Variants in DOCK1 observed in about 807,000 individuals in gnomAD.
DOCK1 encodes dedicator of cytokinesis protein 1.
DOCK1 carries 138 observed loss-of-function variants against 262.7 expected under a neutral mutation model. The ratio of observed to expected loss-of-function variants is 0.53; its 90% CI spans 0.46 to 0.61. The LOEUF (loss-of-function observed/expected upper bound fraction) is 0.61. DOCK1 is among the 20% of genes least tolerant of loss of function. DOCK1 has a pLI of 0.00. For missense variants in DOCK1, 1,908 were observed against 2,370.7 expected, an observed-to-expected ratio of 0.80 and a Z score of 4.05; for synonymous variants, 866 against 867.4, an observed-to-expected ratio of 1.00 and a Z score of 0.03.
intron 25 of DOCK1, among the ~76,000 whole-genome samples, chr10:127,111,101 T>C (rs554555716): frequency 6.6e-6 from 1 of 152,216 alleles, no homozygotes; most frequent in African/African-American, 2.4e-5. Context: ...ATTCTTGGTG[T>C]TGTTCTCAGT....
chr10:127,376,050 C>T (rs1222932537), intron 35 of DOCK1, among the ~76,000 whole-genome samples: 2 of 152,084 alleles, frequency 1.3e-5, no homozygotes, highest in African/African-American at 2.4e-5. Context: ...GTACAATGCA[C>T]GCTAAAGACA....
chr10:127,029,827 C>T (rs1472808340), intron 16 of DOCK1, among the ~76,000 whole-genome samples: 2 of 152,166 alleles, frequency 1.3e-5, no homozygotes, highest in African/African-American at 4.8e-5. Flanking sequence ...GTCACACATC[C>T]TTCTGAACCC....
At chr10:127,184,356 T>A (rs184881082) in intron 27 of DOCK1, among the ~76,000 whole-genome samples, 2 of 122,308 alleles carry the variant, frequency 1.6e-5, no homozygotes, top group Non-Finnish European at 3.2e-5. Context: ...CACCATGCCC[T>A]ATTCGTTTTT....
At chr10:127,260,684 GGTGT>G (rs377310576) in intron 29 of DOCK1, among the ~76,000 whole-genome samples, 6 of 126,384 alleles carry the variant, frequency 4.7e-5, no homozygotes, top group Non-Finnish European at 4.9e-5. Flanking sequence ...TGTGCATGTG[GGTGT>G]GTGTGTACTC....
chr10:126,935,067 C>T (rs1013742480), intron 1 of DOCK1, among the ~76,000 whole-genome samples: 19 of 152,150 alleles, frequency 1.2e-4, no homozygotes, highest in Non-Finnish European at 2.2e-4. Flanking sequence ...CGGATCACGC[C>T]ACTGCACTCC....
chr10:127,145,352 CT>C (rs2051710126), intron 27 of DOCK1, among the ~76,000 whole-genome samples: 3 of 152,310 alleles, frequency 2.0e-5, no homozygotes, highest in African/African-American at 7.2e-5. Flanking sequence ...TGAAGCATAT[CT>C]TATGCCATCC....
chr10:127,439,706 C>T (rs59879440), intron 49 of DOCK1, among the ~76,000 whole-genome samples: 11,949 of 152,220 alleles, frequency 0.078, 576 homozygotes, highest in Non-Finnish European at 0.11. Flanking sequence ...AGAAGCTGGA[C>T]CCAGTCCTGG....
At chr10:127,366,316 G>T (rs2064906991) in intron 33 of DOCK1, among the ~76,000 whole-genome samples, 2 of 152,092 alleles carry the variant, frequency 1.3e-5, no homozygotes, top group African/African-American at 4.8e-5. Flanking sequence ...TCTTCTGTTT[G>T]ATGTGCCCAC....
chr10:127,269,466 A>G (rs569894266), intron 29 of DOCK1, among the ~76,000 whole-genome samples: 1 of 152,372 alleles, frequency 6.6e-6, no homozygotes, highest in East Asian at 1.9e-4. Flanking sequence ...ATATTTGTAT[A>G]TATTCAAATT....
In DOCK1 at chr10:127,278,685, AGAG is replaced by A. The variant is rs543314501; in HGVS notation, c.3044+21263_3044+21265del. ...GCTGGCCACGCACAGGGAGGCAAAG[AGAG>A]GAGGAGAGAGGAACTTAACTTTGTT... is the stretch of plus-strand genomic sequence containing the variant. On this transcript the variant is annotated intron_variant, in intron 29 of 51. Transcript: ENST00000623213. Among the ~76,000 whole-genome samples, 85 of 152,360 alleles carry A rather than the reference AGAG, an allele frequency of 5.6e-4. 3 individuals carry two copies. The highest frequency in any genetic ancestry group is 4.9e-4 in the Non-Finnish European group (33 of 68,038).
At chr10:127,134,151 A>G (rs1264837130) in intron 27 of DOCK1, among the ~76,000 whole-genome samples, 1 of 152,226 alleles carries the variant, frequency 6.6e-6, no homozygotes, top group East Asian at 1.9e-4. Flanking sequence ...GCTGTCTTCT[A>G]GGAAAGGCCA....
chr10:127,409,074 G>A lies in DOCK1; in HGVS notation c.4160G>A (p.Arg1387His), dbSNP rs1256927561. The change falls in exon 41 of 52, where the codon CGC (arginine) becomes CAC (histidine). Residue 1387 changes from arginine (R) to histidine (H), a missense_variant. By Grantham distance (29) the Arg-to-His change is conservative. Transcript: ENST00000623213. ...VFIYRGKEYERREDFEARLLT... is the reference protein window; with the variant it reads ...VFIYRGKEYEHREDFEARLLT... ...ATTTACCGAGGGAAAGAGTATGAGC[G>A]CCGGGAAGATTTTGAGGCTCGGCTC... 31 of 1,595,414 alleles carry A rather than the reference G, an allele frequency of 1.9e-5. No individual in the cohort carries two copies. The highest frequency in any genetic ancestry group is 2.6e-5 in the Non-Finnish European group (30 of 1,170,064).
rs143446134 is a variant in DOCK1, at chr10:127,384,725, C to G, written c.3808-65C>G. 6.0e-4 allele frequency: 878 copies of G among 1,470,206 alleles called. 3 individuals carry two copies. The African/African-American group carries it at 0.012, about 20-fold the overall frequency. The allele number at this position is 1,470,206 out of a possible 1,614,324, so 91.1% of individuals were successfully genotyped here. A position where few individuals can be genotyped will look rare whatever the true frequency, so the allele number is the denominator to read the frequency against. ...CCACACGCGTGTCCGATGCGAAGCTCACACCATTCTGACGTCCCTGGGTGT... is the reference window on the plus strand; with the variant it reads ...CCACACGCGTGTCCGATGCGAAGCTGACACCATTCTGACGTCCCTGGGTGT... On this transcript the variant is annotated intron_variant, in intron 37 of 51. Transcript: ENST00000623213.
chr10:127,409,981 C>T (rs1045755436), intron 42 of DOCK1, among the ~76,000 whole-genome samples: 6 of 152,138 alleles, frequency 3.9e-5, no homozygotes, highest in African/African-American at 1.4e-4. Flanking sequence ...TTAGCAATGG[C>T]ATAGAAAGAC....
intron 43 of DOCK1, 69 bp from the exon 44 acceptor site, chr10:127,415,083 C>T: frequency 2.1e-6 from 3 of 1,451,290 alleles, no homozygotes. Flanking sequence ...ATAAATCCCC[C>T]TTAGGGCAGA....
chr10:126,987,587 G>A lies in DOCK1; in HGVS notation c.294G>A (p.Glu98=), dbSNP rs1215283720. ...AGGAAGTCACCACGACACTCCGAGA[G>A]TGGTCCACCATCTGGAGGCAGCTCT... ...LIQEVTTTLR[E]WSTIWRQLYV... Residue 98 remains glutamate (E), a synonymous_variant, in exon 5 of 52, where the codon GAG becomes GAA. Coordinates refer to ENST00000623213, the MANE Select transcript of DOCK1 (RefSeq NM_001290223.2). The A allele has an allele frequency of 3.2e-6, 5 of 1,571,382 alleles. No individual in the cohort carries two copies. Among genetic ancestry groups the A allele is most frequent in the South Asian group, 1.2e-5 (1 of 85,110 alleles).
chr10:127,444,443 A>G (rs2070398928), intron 50 of DOCK1, among the ~76,000 whole-genome samples, 164 bp downstream of exon 50: 1 of 152,076 alleles, frequency 6.6e-6, no homozygotes, highest in Non-Finnish European at 1.5e-5. Flanking sequence ...CAGGCTGTAG[A>G]GTCTGGACTT....
intron 23 of DOCK1, among the ~76,000 whole-genome samples, chr10:127,067,743 A>G (rs1323485402): frequency 6.6e-6 from 1 of 151,464 alleles, no homozygotes; most frequent in Non-Finnish European, 1.5e-5. Flanking sequence ...CTGGAAAAAC[A>G]CTCCTCTTTA....
chr10:126,947,513 G>A lies in DOCK1; in HGVS notation c.47-23189G>A, dbSNP rs1416195789. On this transcript the variant is annotated intron_variant, in intron 1 of 51. Transcript: ENST00000623213. ...GTGGTTGGTAGTATTACTGTTGGTG[G>A]TGGTGGTGGTTGGTAGTATTACTGT... Among the ~76,000 whole-genome samples the A allele has an allele frequency of 5.7e-3, 303 of 52,758 alleles. 1 individual carries two copies. Among genetic ancestry groups the A allele is most frequent in the East Asian group, 0.032 (27 of 836 alleles). The allele number at this position is 52,758 out of a possible 152,430, so 34.6% of individuals were successfully genotyped here.
Sources: allele counts gnomAD v4.1 joint callset (sites outside exome capture counted in the v4.1 genomes callset), GRCh38; gene constraint gnomAD v4.1.1; transcripts MANE v1.5; gene names NCBI Gene and HGNC (gene_info 2026-07-23, HGNC 2026-07-21).